Variants in PDZRN4 observed in about 807,000 individuals in gnomAD.
PDZRN4 encodes PDZ domain containing ring finger 4.
Under a neutral mutation model 99.0 loss-of-function variants are expected in PDZRN4, and 70 were observed. The observed-to-expected ratio is 0.71, with a 90% CI of 0.58 to 0.86. The LOEUF (loss-of-function observed/expected upper bound fraction) is 0.86, where lower values mean the gene tolerates loss of function less well. Among genes scored for constraint, PDZRN4 ranks in the 40% least tolerant of loss-of-function variants. The probability of loss-of-function intolerance (pLI) is 0.00; values close to 1 mark genes in which losing one functional copy is unlikely to be tolerated. For synonymous variants in PDZRN4, 551 were observed against 501.6 expected (o/e 1.10, Z -1.32); for missense variants, 1,474 against 1,331.2 (o/e 1.11, Z -1.67).
At chr12:41,459,859 A>AAAT (rs1952853413) in intron 3 of PDZRN4, 5 of 1,028,184 alleles carry the variant, frequency 4.9e-6, no homozygotes, top group Non-Finnish European at 6.3e-6. Flanking sequence ...AATACCCATT[A>AAAT]AATTAACATT....
At chr12:41,382,670 T>C (rs1952136166) in intron 3 of PDZRN4, among the ~76,000 whole-genome samples, 2 of 152,188 alleles carry the variant, frequency 1.3e-5, no homozygotes, top group Non-Finnish European at 2.9e-5. Flanking sequence ...TCCATTACAC[T>C]ATTTAGCAAC....
At chr12:41,423,522 G>A (rs913771623) in intron 3 of PDZRN4, among the ~76,000 whole-genome samples, 1 of 152,008 alleles carries the variant, frequency 6.6e-6, no homozygotes, top group South Asian at 2.1e-4. Context: ...ATTCTACTAA[G>A]ACAGTTTTCC....
At chr12:41,444,941 A>G (rs1351768845) in intron 3 of PDZRN4, among the ~76,000 whole-genome samples, 1 of 152,042 alleles carries the variant, frequency 6.6e-6, no homozygotes, top group African/African-American at 2.4e-5. Context: ...CTTTTATAAA[A>G]ATAAATATTT....
At chr12:41,547,433 C>G (rs1051349744) in intron 5 of PDZRN4, among the ~76,000 whole-genome samples, 20 of 152,098 alleles carry the variant, frequency 1.3e-4, no homozygotes, top group Non-Finnish European at 2.6e-4. Context: ...TGAGACCAAC[C>G]TGGCCAACAT....
chr12:41,247,896 C>T (rs1337528486), intron 3 of PDZRN4, among the ~76,000 whole-genome samples: 1 of 152,172 alleles, frequency 6.6e-6, no homozygotes, highest in Non-Finnish European at 1.5e-5. Context: ...ATACTTGGGA[C>T]ATGCATACAA....
intron 3 of PDZRN4, among the ~76,000 whole-genome samples, chr12:41,351,591 C>G (rs7304306): frequency 0.39 from 58,483 of 151,444 alleles, 11,399 homozygotes; most frequent in African/African-American, 0.41. Flanking sequence ...AGAGAGAGAA[C>G]GGGGAGGTGC....
At chr12:41,510,483 A>G (rs1241182457) in intron 5 of PDZRN4, among the ~76,000 whole-genome samples, 1 of 152,150 alleles carries the variant, frequency 6.6e-6, no homozygotes. Flanking sequence ...TAACAATTCG[A>G]AAAGTCCATC....
At chr12:41,206,512 T>A (rs949307619) in intron 3 of PDZRN4, among the ~76,000 whole-genome samples, 4 of 151,434 alleles carry the variant, frequency 2.6e-5, no homozygotes, top group African/African-American at 9.7e-5. Context: ...TTAAGCTTAA[T>A]TATTTATTAA....
chr12:41,472,129 G>A (rs1229519156), intron 3 of PDZRN4, among the ~76,000 whole-genome samples: 3 of 151,666 alleles, frequency 2.0e-5, no homozygotes, highest in East Asian at 1.9e-4. Context: ...TCAGCCTCCC[G>A]AGTAGCTGGG....
chr12:41,458,629 C>A (rs1413372635), intron 3 of PDZRN4, among the ~76,000 whole-genome samples: 1 of 152,144 alleles, frequency 6.6e-6, no homozygotes, highest in African/African-American at 2.4e-5. Flanking sequence ...AAGTAAGGAG[C>A]TTTGCACGGC....
At chr12:41,433,537 G>A (rs539382579) in intron 3 of PDZRN4, among the ~76,000 whole-genome samples, 1 of 152,324 alleles carries the variant, frequency 6.6e-6, no homozygotes, top group East Asian at 1.9e-4. Flanking sequence ...AAATTTGTAA[G>A]CCACATGTCA....
chr12:41,284,889 T>TA (rs1177544001), intron 3 of PDZRN4, among the ~76,000 whole-genome samples: 2 of 152,082 alleles, frequency 1.3e-5, no homozygotes, highest in African/African-American at 2.4e-5. Context: ...ACATAAGATC[T>TA]AAAACCTTAA....
intron 3 of PDZRN4, among the ~76,000 whole-genome samples, chr12:41,204,084 T>G (rs1039490805): frequency 3.3e-5 from 5 of 152,004 alleles, no homozygotes; most frequent in Non-Finnish European, 7.4e-5. Context: ...AGAAGTATCT[T>G]GAACATTTTC....
chr12:41,381,409 C>T (rs1952125158), intron 3 of PDZRN4, among the ~76,000 whole-genome samples: 1 of 152,002 alleles, frequency 6.6e-6, no homozygotes, highest in Non-Finnish European at 1.5e-5. Flanking sequence ...AGATTTTCTT[C>T]ACTCACTTCT....
intron 3 of PDZRN4, among the ~76,000 whole-genome samples, chr12:41,283,987 A>G (rs1417306406): frequency 2.6e-5 from 4 of 152,202 alleles, no homozygotes; most frequent in East Asian, 3.8e-4. Context: ...CCTATTTAAC[A>G]TGGTATTGGA....
chr12:41,525,729 C>G (rs1487079320), intron 5 of PDZRN4, among the ~76,000 whole-genome samples: 2 of 151,990 alleles, frequency 1.3e-5, no homozygotes, highest in African/African-American at 2.4e-5. Context: ...AAACTCCATA[C>G]CTTGTGGATG....
rs563088189 is a variant in PDZRN4, at chr12:41,250,251, A to G, written c.843+56063A>G. Among the ~76,000 whole-genome samples the G allele has an allele frequency of 5.3e-5, 8 of 152,308 alleles. No individual in the cohort carries two copies. The East Asian group carries it at 9.7e-4, about 18-fold the overall frequency. ...AAAAGCGAACAACTAATTTTCAGAA[A>G]AAGTTCTGTGTTACAAGAAAAACAG... On this transcript the variant is annotated intron_variant, in intron 3 of 9. Transcript: ENST00000402685.
At chr12:41,293,180 G>T (rs1418207820) in intron 3 of PDZRN4, among the ~76,000 whole-genome samples, 1 of 137,582 alleles carries the variant, frequency 7.3e-6, no homozygotes, top group Non-Finnish European at 1.6e-5. Context: ...CCAGAAGTTA[G>T]TCATTGAAGC....
intron 3 of PDZRN4, among the ~76,000 whole-genome samples, chr12:41,370,005 A>G (rs1215978090): frequency 6.6e-6 from 1 of 151,900 alleles, no homozygotes; most frequent in Non-Finnish European, 1.5e-5. Context: ...ATATTTGTGT[A>G]TTTCTCTCAA....
Sources: gnomAD v4.1 joint callset for allele counts (sites outside exome capture counted in the v4.1 genomes callset) on GRCh38, gnomAD v4.1.1 for gene constraint, MANE v1.5 for transcripts, NCBI Gene and HGNC (gene_info 2026-07-23, HGNC 2026-07-21) for gene names.